MPP7: variants seen among roughly 807,000 people sequenced by gnomAD.
The protein encoded by MPP7 is MAGUK p55 subfamily member 7.
MPP7 carries 60 observed loss-of-function variants against 76.5 expected under a neutral mutation model. The observed-to-expected ratio is 0.78, with a 90% CI of 0.64 to 0.97. The LOEUF (loss-of-function observed/expected upper bound fraction) is 0.97. MPP7 is among the 50% of genes least tolerant of loss of function. The pLI is 0.00. For synonymous variants in MPP7, 237 were observed against 244.5 expected (o/e 0.97, Z 0.29); for missense variants, 641 against 694.0 (o/e 0.92, Z 0.86).
intron 2 of MPP7, among the ~76,000 whole-genome samples, chr10:28,219,877 A>C (rs1171432184): frequency 6.6e-6 from 1 of 152,116 alleles, no homozygotes; most frequent in Non-Finnish European, 1.5e-5. Flanking sequence ...GTTCGGTGCC[A>C]TTCATAACAG....
chr10:28,083,532 CTTTTTTTT>C (rs5784040), intron 12 of MPP7, among the ~76,000 whole-genome samples: 5 of 81,730 alleles, frequency 6.1e-5, no homozygotes, highest in African/African-American at 4.3e-5. Flanking sequence ...TTTTCTTCCT[CTTTTTTTT>C]TTTTTTTTTT....
At chr10:28,245,708 T>C (rs1839411469) in intron 1 of MPP7, among the ~76,000 whole-genome samples, 1 of 151,406 alleles carries the variant, frequency 6.6e-6, no homozygotes. Context: ...CAGGCTGGAG[T>C]ACAGTGGTGC....
At chr10:28,241,661 A>G (rs1588970850) in intron 1 of MPP7, among the ~76,000 whole-genome samples, 1 of 152,282 alleles carries the variant, frequency 6.6e-6, no homozygotes, top group East Asian at 1.9e-4. Flanking sequence ...CCTAAGAGGG[A>G]TTACCGAATA....
chr10:28,166,174 T>C lies in MPP7; in HGVS notation c.157-16115A>G, dbSNP rs190172744. 2.5e-4 allele frequency among the ~76,000 whole-genome samples: 38 copies of C among 152,242 alleles called. 1 individual carries two copies. The East Asian group carries it at 2.5e-3, about 10-fold the overall frequency. The stretch of plus-strand genomic sequence containing the variant: ...TGTATAATCTAGTCAGAGCTTTTTT[T>C]CTACTCTTTTATTCTTTATCTTATA... On this transcript the variant is annotated intron_variant, in intron 3 of 16. Coordinates refer to ENST00000683449, the MANE Select transcript of MPP7 (RefSeq NM_001318170.2).
At chr10:28,312,976 G>A (rs1037960369) in intron 2 of MPP7, among the ~76,000 whole-genome samples, 1 of 152,204 alleles carries the variant, frequency 6.6e-6, no homozygotes, top group Non-Finnish European at 1.5e-5. Flanking sequence ...AGGAGGGGCA[G>A]TTTGAGGATG....
At chr10:28,281,655 A>G (rs1231115507) in intron 1 of MPP7, among the ~76,000 whole-genome samples, 5 of 152,114 alleles carry the variant, frequency 3.3e-5, no homozygotes, top group Non-Finnish European at 5.9e-5. Context: ...GACCTTTGGT[A>G]TGTGCCAGGC....
chr10:28,278,305 G>C (rs1005297261), intron 1 of MPP7, among the ~76,000 whole-genome samples: 2 of 151,946 alleles, frequency 1.3e-5, no homozygotes, highest in Non-Finnish European at 2.9e-5. Context: ...CATTATCTTC[G>C]CAGCATCTTT....
intron 13 of MPP7, among the ~76,000 whole-genome samples, chr10:28,065,005 G>A (rs566161861): frequency 6.6e-6 from 1 of 152,266 alleles, no homozygotes; most frequent in African/African-American, 2.4e-5. Context: ...GCCCTGCTTT[G>A]GAGTTTAGGC....
chr10:28,175,824 G>C lies in MPP7; in HGVS notation c.157-25765C>G, dbSNP rs7068246. On this transcript the variant is annotated intron_variant, in intron 3 of 16. Transcript: ENST00000683449. The stretch of plus-strand genomic sequence containing the variant: ...GCCCTCTCCATGGGAGAGCAACTAG[G>C]GGATGAATTTCTGAAATAATCAGAG... Among the ~76,000 whole-genome samples, 3 of 151,966 alleles carry C rather than the reference G, an allele frequency of 2.0e-5. No homozygotes were observed. The East Asian group carries it at 5.8e-4, about 30-fold the overall frequency.
chr10:28,324,848 C>A (rs973450973), intron 2 of MPP7, among the ~76,000 whole-genome samples: 1 of 152,226 alleles, frequency 6.6e-6, no homozygotes, highest in Admixed American at 6.5e-5. Flanking sequence ...GTTATTAGCC[C>A]CTTTTTAACA....
chr10:28,109,453 A>G (rs1834426427), intron 11 of MPP7, among the ~76,000 whole-genome samples: 1 of 152,196 alleles, frequency 6.6e-6, no homozygotes, highest in African/African-American at 2.4e-5. Flanking sequence ...ACCGTCTATC[A>G]AAAATTATAC....
chr10:28,231,136 C>T (rs1838868140), intron 2 of MPP7, among the ~76,000 whole-genome samples: 2 of 149,668 alleles, frequency 1.3e-5, no homozygotes, highest in African/African-American at 4.9e-5. Flanking sequence ...ATTCAGCTTT[C>T]TGACCACAAA....
intron 3 of MPP7, among the ~76,000 whole-genome samples, chr10:28,152,468 A>G (rs1238173163): frequency 6.6e-6 from 1 of 152,146 alleles, no homozygotes; most frequent in African/African-American, 2.4e-5. Flanking sequence ...GAAAAAAATG[A>G]TTTTTCAATT....
At chr10:28,178,524 T>C (rs184819573) in intron 3 of MPP7, among the ~76,000 whole-genome samples, 1 of 151,928 alleles carries the variant, frequency 6.6e-6, no homozygotes, top group African/African-American at 2.4e-5. Flanking sequence ...ACCGAAACCA[T>C]TCTACTGAAT....
intron 1 of MPP7, among the ~76,000 whole-genome samples, chr10:28,264,919 C>T (rs1157286912): frequency 6.6e-6 from 1 of 152,108 alleles, no homozygotes; most frequent in Non-Finnish European, 1.5e-5. Flanking sequence ...CAGTCCTCAT[C>T]TCCAAATGCT....
At chr10:28,164,771 T>C (rs1056671095) in intron 3 of MPP7, among the ~76,000 whole-genome samples, 1 of 151,990 alleles carries the variant, frequency 6.6e-6, no homozygotes, top group East Asian at 1.9e-4. Flanking sequence ...ACCCAAAAGA[T>C]TGGACATCTT....
intron 11 of MPP7, among the ~76,000 whole-genome samples, chr10:28,097,196 G>A (rs4749304): frequency 0.11 from 17,215 of 152,002 alleles, 1,379 homozygotes; most frequent in East Asian, 0.26. Flanking sequence ...AGACTCACCA[G>A]GTTGCACAGG....
chr10:28,078,434 G>T (rs937131395), intron 12 of MPP7, among the ~76,000 whole-genome samples: 1 of 152,184 alleles, frequency 6.6e-6, no homozygotes, highest in East Asian at 1.9e-4. Flanking sequence ...CTCAATTCAG[G>T]ACTGAGGAAA....
At chr10:28,332,278 T>TGTGTGTG (rs1554871693) in intron 1 of MPP7, among the ~76,000 whole-genome samples, 8 of 151,790 alleles carry the variant, frequency 5.3e-5, no homozygotes, top group South Asian at 2.1e-4. Context: ...TGTGTGTGTG[T>TGTGTGTG]TTAATAAATT....
Sources: gnomAD v4.1 joint callset for allele counts (sites outside exome capture counted in the v4.1 genomes callset) on GRCh38, gnomAD v4.1.1 for gene constraint, MANE v1.5 for transcripts, NCBI Gene and HGNC (gene_info 2026-07-23, HGNC 2026-07-21) for gene names.